ASB15: variants seen among roughly 807,000 people sequenced by gnomAD.
ASB15 encodes the protein ankyrin repeat and SOCS box containing 15, also known as ankyrin repeat and SOCS box protein 15.
In ASB15, 54 loss-of-function variants were observed where a neutral mutation model predicts 58.0. The observed-to-expected ratio is 0.93, with a 90% CI of 0.75 to 1.17. The LOEUF is 1.17. Among genes scored for constraint, ASB15 ranks in the 50% most tolerant of loss-of-function variants. ASB15 has a pLI of 0.00. For missense variants in ASB15, 680 were observed against 707.4 expected (o/e 0.96, Z 0.44); for synonymous variants, 249 against 262.4 (o/e 0.95, Z 0.50).
At chr7:123,587,455 AG>A (rs904684319) in intron 1 of ASB15, among the ~76,000 whole-genome samples, 1 of 151,222 alleles carries the variant, frequency 6.6e-6, no homozygotes, top group African/African-American at 2.4e-5. Flanking sequence ...GAAGTCTTTG[AG>A]GTTTTTTTTT....
At chr7:123,574,805 T>C (rs987218692) in intron 1 of ASB15, among the ~76,000 whole-genome samples, 1 of 152,142 alleles carries the variant, frequency 6.6e-6, no homozygotes, top group African/African-American at 2.4e-5. Flanking sequence ...AACAGGCAGC[T>C]TACACATCTT....
chr7:123,616,978 C>T (rs1350321078), intron 6 of ASB15, among the ~76,000 whole-genome samples: 1 of 152,122 alleles, frequency 6.6e-6, no homozygotes, highest in Admixed American at 6.6e-5. Flanking sequence ...AATCAAGCCA[C>T]TGTTAAATAT....
chr7:123,574,335 C>A (rs182774364), intron 1 of ASB15, among the ~76,000 whole-genome samples: 18 of 152,044 alleles, frequency 1.2e-4, no homozygotes, highest in Non-Finnish European at 2.2e-4. Context: ...AAGACAGTGG[C>A]TCTCAAATTT....
intron 4 of ASB15, among the ~76,000 whole-genome samples, chr7:123,616,016 A>C (rs537432414): frequency 6.6e-6 from 1 of 152,252 alleles, no homozygotes; most frequent in Admixed American, 6.5e-5. Context: ...CTTCACTAAT[A>C]TTCTTAGATC....
intron 1 of ASB15, among the ~76,000 whole-genome samples, chr7:123,581,596 G>A (rs865919214): frequency 7.3e-5 from 11 of 151,674 alleles, no homozygotes; most frequent in East Asian, 3.9e-4. Context: ...AAAGTCTTTC[G>A]GTTAAACTGA....
intron 11 of ASB15, among the ~76,000 whole-genome samples, chr7:123,634,443 G>A (rs1428947570): frequency 6.6e-6 from 1 of 152,042 alleles, no homozygotes; most frequent in Admixed American, 6.6e-5. Context: ...TCTTTATCCA[G>A]TCTATCCTTG....
Position 123,624,663 on chromosome 7 carries a change from T to C in ASB15, c.546T>C (p.His182=), listed in dbSNP as rs1329289885. ...GTGTCAAGCGATGGTCAGCAATGCA[T>C]GAAGCAGCCAAGCAAGGCCGAAAAG... is the stretch of plus-strand genomic sequence containing the variant. ...QPCVKRWSAM[H]EAAKQGRKDI... The change falls in exon 8 of 12, where the codon CAT becomes CAC. Residue 182 remains histidine, a synonymous_variant. Transcript: ENST00000451215. The C allele has an allele frequency of 6.2e-7, 1 of 1,614,126 alleles. No homozygotes were observed. The highest frequency in any genetic ancestry group is 8.5e-7 in the Non-Finnish European group (1 of 1,180,014).
intron 11 of ASB15, among the ~76,000 whole-genome samples, chr7:123,633,305 AAAT>A (rs1403899484): frequency 1.3e-5 from 2 of 151,912 alleles, no homozygotes; most frequent in East Asian, 1.9e-4. Context: ...TAGATAAAAT[AAAT>A]AATATTTAAT....
At chr7:123,592,799 G>T (rs189796873) in intron 1 of ASB15, among the ~76,000 whole-genome samples, 1 of 150,068 alleles carries the variant, frequency 6.7e-6, no homozygotes, top group Non-Finnish European at 1.5e-5. Context: ...TGTGCATTAC[G>T]TCTGAATTCA....
upstream of ASB15, among the ~76,000 whole-genome samples, chr7:123,597,838 A>C (rs1435724196): frequency 6.6e-6 from 1 of 152,108 alleles, no homozygotes; most frequent in East Asian, 1.9e-4. Flanking sequence ...CTGAAAAAAA[A>C]ATAATCCTTC....
At chr7:123,612,651 G>C (rs1175260500) in intron 3 of ASB15, among the ~76,000 whole-genome samples, 1 of 152,080 alleles carries the variant, frequency 6.6e-6, no homozygotes, top group Non-Finnish European at 1.5e-5. Context: ...AGAGACAAAT[G>C]AAGCTAAGCA....
chr7:123,577,322 T>C (rs1799093953), intron 1 of ASB15, among the ~76,000 whole-genome samples: 1 of 152,188 alleles, frequency 6.6e-6, no homozygotes, highest in African/African-American at 2.4e-5. Flanking sequence ...TATTCGATAC[T>C]GAGAAGAACT....
At chr7:123,625,140 T>G (rs1037395314) in intron 8 of ASB15, among the ~76,000 whole-genome samples, 1 of 152,222 alleles carries the variant, frequency 6.6e-6, no homozygotes, top group Non-Finnish European at 1.5e-5. Context: ...TTTCTACTCT[T>G]CTAATGTAAT....
chr7:123,602,651 G>A (rs867623988), intron 1 of ASB15, among the ~76,000 whole-genome samples: 12 of 152,130 alleles, frequency 7.9e-5, no homozygotes, highest in African/African-American at 2.7e-4. Context: ...GTTATTTTAT[G>A]AGAATATTTT....
intron 1 of ASB15, among the ~76,000 whole-genome samples, chr7:123,573,485 A>G (rs1798974887): frequency 6.6e-6 from 1 of 152,052 alleles, no homozygotes; most frequent in African/African-American, 2.4e-5. Flanking sequence ...CCACGGTTCT[A>G]GTCCTCAAGC....
intron 7 of ASB15, chr7:123,620,296 G>T (rs1158075763): frequency 6.6e-6 from 1 of 151,656 alleles, no homozygotes; most frequent in Non-Finnish European, 1.5e-5. Context: ...AATACTTGGG[G>T]CTTCTGTAGC....
intron 1 of ASB15, among the ~76,000 whole-genome samples, chr7:123,575,363 T>G (rs1000529942): frequency 6.6e-6 from 1 of 152,090 alleles, no homozygotes; most frequent in Non-Finnish European, 1.5e-5. Context: ...GTTAAATATG[T>G]TCATACCTCT....
At chr7:123,619,908 T>C (rs1363392446) in intron 7 of ASB15, 1 of 152,188 alleles carries the variant, frequency 6.6e-6, no homozygotes. Context: ...ATCCATATAG[T>C]TAGAATACAG....
At position 123,576,339 on chromosome 7, in the gene ASB15, TTTG is replaced by T. The variant is rs200747123; in HGVS notation, c.-443+9263_-443+9265del. 5.8e-4 allele frequency among the ~76,000 whole-genome samples: 88 copies of T among 152,164 alleles called. 1 individual carries two copies. The highest frequency in any genetic ancestry group is 1.9e-3 in the African/African-American group (77 of 41,556). ...CTTTTTTATATATGAAGTTGTGTTT[TTTG>T]TTGTTGTTGTTTTAATTAATGGTAA... On this transcript the variant is annotated intron_variant, in intron 1 of 13. Coordinates refer to the ASB15 transcript ENST00000451558.
Sources: gnomAD v4.1 joint callset for allele counts (sites outside exome capture counted in the v4.1 genomes callset) on GRCh38, gnomAD v4.1.1 for gene constraint, MANE v1.5 for transcripts, NCBI Gene and HGNC (gene_info 2026-07-23, HGNC 2026-07-21) for gene names.